The following CRIPTO variants were observed in gnomAD, a reference collection of about 807,000 sequenced individuals.
CRIPTO encodes the protein protein Cripto.
At chr3:46,581,390 G>A in the CRIPTO span, 17 of 764,120 alleles carry the variant, frequency 2.2e-5, no homozygotes, top group South Asian at 1.5e-4. Context: ...TTCCAAAATG[G>A]TCTCTAACAT....
chr3:46,579,046 G>T, the CRIPTO span: 11 of 1,607,934 alleles, frequency 6.8e-6, no homozygotes, highest in Non-Finnish European at 9.4e-6. Flanking sequence ...AACTTGTAAG[G>T]TTTTATTTCC....
chr3:46,579,290 C>G, the CRIPTO span: 1 of 1,614,168 alleles, frequency 6.2e-7, no homozygotes, highest in South Asian at 1.1e-5. Flanking sequence ...TCAGAGATGA[C>G]AGCATTTGGC....
chr3:46,579,050 T>C, the CRIPTO span: 1 of 1,610,696 alleles, frequency 6.2e-7, no homozygotes, highest in Non-Finnish European at 8.5e-7. Context: ...TGTAAGGTTT[T>C]ATTTCCTTTG....
At chr3:46,581,992 G>A in the CRIPTO span, 1 of 152,480 alleles carries the variant, frequency 6.6e-6, no homozygotes, top group African/African-American at 2.4e-5. Flanking sequence ...ACATCTTTAA[G>A]GGGAGGAACC....
At chr3:46,579,576 C>T in the CRIPTO span, 3 of 1,150,832 alleles carry the variant, frequency 2.6e-6, no homozygotes, top group Non-Finnish European at 3.8e-6. Context: ...CACTGGGGAA[C>T]CCAGAACCAC....
At chr3:46,579,590 T>C in the CRIPTO span, 6 of 1,158,144 alleles carry the variant, frequency 5.2e-6, no homozygotes, top group Non-Finnish European at 7.7e-6. Context: ...GAACCACCAC[T>C]GGCCTATGCA....
the CRIPTO span, chr3:46,581,713 A>C: frequency 2.3e-6 from 1 of 438,554 alleles, no homozygotes; most frequent in Non-Finnish European, 4.0e-6. Flanking sequence ...GGGTTTCACC[A>C]TATTGGCCAG....
chr3:46,578,978 T>A, the CRIPTO span: 1 of 1,195,934 alleles, frequency 8.4e-7, no homozygotes, highest in Non-Finnish European at 1.2e-6. Flanking sequence ...GATGGTGCTC[T>A]ACAATTTCTT....
the CRIPTO span, among the ~76,000 whole-genome samples, chr3:46,576,874 C>T: frequency 6.6e-6 from 1 of 151,986 alleles, no homozygotes; most frequent in Non-Finnish European, 1.5e-5. Flanking sequence ...TTAGTGGAAC[C>T]ACTCAATAAA....
At chr3:46,577,282 C>G in the CRIPTO span, 1 of 152,872 alleles carries the variant, frequency 6.5e-6, no homozygotes, top group Admixed American at 6.5e-5. Flanking sequence ...ACACACACAC[C>G]TAGCTCCTCA....
the CRIPTO span, among the ~76,000 whole-genome samples, chr3:46,575,859 A>C: frequency 6.6e-6 from 1 of 152,200 alleles, no homozygotes; most frequent in South Asian, 2.1e-4. Flanking sequence ...ACTGTGGTGC[A>C]CAAGCTACCT....
chr3:46,580,103 G>A, the CRIPTO span: 14 of 1,613,830 alleles, frequency 8.7e-6, no homozygotes, highest in Admixed American at 1.2e-4. Context: ...TTGAAGTTAC[G>A]TAGTTGCCTT....
At chr3:46,581,136 C>G in the CRIPTO span, 387 of 1,613,382 alleles carry the variant, frequency 2.4e-4, 8 homozygotes, top group East Asian at 5.0e-3. Flanking sequence ...TTCCAGATGG[C>G]CTTGTGATGG....
the CRIPTO span, among the ~76,000 whole-genome samples, chr3:46,580,416 G>T: frequency 6.6e-6 from 1 of 152,114 alleles, no homozygotes; most frequent in Admixed American, 6.5e-5. Flanking sequence ...CCCAAACCAG[G>T]ATGGGCAGCT....
chr3:46,579,337 A>G, the CRIPTO span: 130 of 1,613,944 alleles, frequency 8.1e-5, 2 homozygotes, highest in Middle Eastern at 3.3e-4. Context: ...CGGTCTTCCC[A>G]GCGTGTGCCG....
At chr3:46,579,114 A>G in the CRIPTO span, 1 of 1,614,018 alleles carries the variant, frequency 6.2e-7, no homozygotes, top group Non-Finnish European at 8.5e-7. Flanking sequence ...GATCATGGCC[A>G]TTTCTAAAGT....
At chr3:46,579,475 G>A in the CRIPTO span, 1 of 1,574,630 alleles carries the variant, frequency 6.4e-7, no homozygotes, top group South Asian at 1.1e-5. Context: ...GAACTGTGCA[G>A]GTGCTGGACT....
At chr3:46,579,332 T>G in the CRIPTO span, 4 of 1,614,102 alleles carry the variant, frequency 2.5e-6, no homozygotes, top group Non-Finnish European at 3.4e-6. Flanking sequence ...GGCCTCGGTC[T>G]TCCCAGCGTG....
chr3:46,582,281 A>G, the CRIPTO span: 1 of 152,212 alleles, frequency 6.6e-6, no homozygotes, highest in Non-Finnish European at 1.5e-5. Flanking sequence ...CCCCAACAAG[A>G]TTGCTTAATA....
Sources: gnomAD v4.1 joint callset for allele counts (sites outside exome capture counted in the v4.1 genomes callset) on GRCh38, gnomAD v4.1.1 for gene constraint, MANE v1.5 for transcripts, NCBI Gene and HGNC (gene_info 2026-07-23, HGNC 2026-07-21) for gene names.